Variants in NRDE2 observed in about 807,000 individuals in gnomAD.
NRDE2 encodes the protein NRDE-2, necessary for RNA interference, domain containing, also known as nuclear exosome regulator NRDE2.
A neutral mutation model predicts 124.2 loss-of-function variants in NRDE2; 76 were observed. The ratio of observed to expected loss-of-function variants is 0.61; its 90% CI spans 0.51 to 0.74. The LOEUF (loss-of-function observed/expected upper bound fraction) is 0.74, where lower values mean the gene tolerates loss of function less well. Ranked by LOEUF, NRDE2 falls within the 30% of genes least tolerant of loss-of-function variation. NRDE2 has a pLI of 0.00. For missense variants in NRDE2, 1,314 were observed against 1,417.3 expected (o/e 0.93, Z 1.17); for synonymous variants, 489 against 528.1 (o/e 0.93, Z 1.01).
chr14:90,272,185 C>T lies in NRDE2; in HGVS notation c.*6151G>A, dbSNP rs186784617. 1.1e-3 allele frequency: 1,632 copies of T among 1,480,454 alleles called. 2 individuals carry two copies. Among genetic ancestry groups the T allele is most frequent in the Admixed American group, 2.1e-3 (100 of 47,202 alleles). The allele number at this position is 1,480,454 out of a possible 1,614,324, so 91.7% of individuals were successfully genotyped here. A position where few individuals can be genotyped will look rare whatever the true frequency, so the allele number is the denominator to read the frequency against. ...CTGGGATTACAGGTGTGAGCCACCGCGCCTGGCCTCAGAATAGGTTTTTTG... is the reference window on the plus strand; with the variant it reads ...CTGGGATTACAGGTGTGAGCCACCGTGCCTGGCCTCAGAATAGGTTTTTTG... On this transcript the variant is annotated 3_prime_UTR_variant, in exon 14 of 14. Coordinates refer to ENST00000354366, the MANE Select transcript of NRDE2 (RefSeq NM_017970.4). This position sits in a 1 kb window ranked among gnomAD's most constrained non-coding sequence, Gnocchi z 4.5.
At chr14:90,324,786 T>A (rs1387114518) in intron 1 of NRDE2, among the ~76,000 whole-genome samples, 1 of 152,116 alleles carries the variant, frequency 6.6e-6, no homozygotes, top group African/African-American at 2.4e-5. Context: ...ACTGGTTCCC[T>A]CTGTGCGTAC....
In NRDE2 at chr14:90,288,410, G is replaced by A. The variant is rs138198112; in HGVS notation, c.2965C>T (p.Gln989Ter). 2 of 1,614,188 alleles carry A rather than the reference G, an allele frequency of 1.2e-6. No homozygotes were observed. Among genetic ancestry groups the A allele is most frequent in the Non-Finnish European group, 1.7e-6 (2 of 1,180,040 alleles). The change falls in exon 11 of 14, where the codon CAG becomes TAG. Residue 989 changes from glutamine (Q) to a stop codon, truncating the protein, a stop_gained. Coordinates refer to ENST00000354366, the MANE Select transcript of NRDE2 (RefSeq NM_017970.4). LOFTEE classifies it high-confidence loss of function. ...TTGCCTGGATACAACTTTAAAGCCTGTGAGAGTGCCTCTCGCAGAGGGGCC... is the reference window on the plus strand; with the variant it reads ...TTGCCTGGATACAACTTTAAAGCCTATGAGAGTGCCTCTCGCAGAGGGGCC... ...PLAPLREALS[Q>*]ALKLYPGNQV...
intron 1 of NRDE2, among the ~76,000 whole-genome samples, chr14:90,329,780 G>A (rs190440162): frequency 6.7e-6 from 1 of 149,958 alleles, no homozygotes; most frequent in East Asian, 2.0e-4. Context: ...GGAGGTTGCA[G>A]TGAGCTGAGA....
intron 8 of NRDE2, among the ~76,000 whole-genome samples, chr14:90,294,237 C>T (rs904405130): frequency 2.0e-5 from 3 of 151,890 alleles, no homozygotes; most frequent in Non-Finnish European, 4.4e-5. Flanking sequence ...GTGGACAAAT[C>T]GGAAGCCTGG....
intron 1 of NRDE2, among the ~76,000 whole-genome samples, chr14:90,324,144 G>A (rs1286282612): frequency 6.9e-6 from 1 of 145,610 alleles, no homozygotes; most frequent in Non-Finnish European, 1.5e-5. Flanking sequence ...AAGGAAATAT[G>A]CTCCTAGAAA....
intron 11 of NRDE2, among the ~76,000 whole-genome samples, chr14:90,287,062 A>AAAG (rs1555359508): frequency 2.0e-5 from 3 of 150,008 alleles, no homozygotes; most frequent in Non-Finnish European, 3.0e-5. Flanking sequence ...AAAAAAAAAA[A>AAAG]AGAGAAAGAA....
chr14:90,302,711 T>C lies in NRDE2; in HGVS notation c.1411+9A>G. ...CCTCCCACGTAACTGGATCTGGTTA[T>C]CTCCTTACCAAACATGGCCTCTTCC... On this transcript the variant is annotated intron_variant, in intron 6 of 13. Transcript: ENST00000354366. 6.3e-7 allele frequency: 1 copy of C among 1,586,658 alleles called. No homozygotes were observed. Among genetic ancestry groups the C allele is most frequent in the South Asian group, 1.1e-5 (1 of 87,104 alleles).
At chr14:90,298,188 A>C in intron 8 of NRDE2, 72 bp downstream of exon 8, 1 of 1,497,080 alleles carries the variant, frequency 6.7e-7, no homozygotes, top group Non-Finnish European at 9.2e-7. Flanking sequence ...TAAGCAGATA[A>C]ATAATCATGA....
chr14:90,268,330 C>G lies in NRDE2; in HGVS notation c.*10006G>C. ...AGTACCTAGGTGATGGGCCCAAACT[C>G]GTACGGGAATTGTTCCGAGTTGCTG... On this transcript the variant is annotated 3_prime_UTR_variant, in exon 14 of 14. Coordinates refer to ENST00000354366, the MANE Select transcript of NRDE2 (RefSeq NM_017970.4). 6.2e-7 allele frequency: 1 copy of G among 1,613,426 alleles called. No homozygotes were observed. The highest frequency in any genetic ancestry group is 8.5e-7 in the Non-Finnish European group (1 of 1,179,412).
At chr14:90,291,213 A>G (rs1325776375) in intron 9 of NRDE2, among the ~76,000 whole-genome samples, 2 of 152,210 alleles carry the variant, frequency 1.3e-5, no homozygotes, top group Non-Finnish European at 2.9e-5. Context: ...TCATGTAATA[A>G]TTTAAAAACA....
At position 90,286,337 on chromosome 14, in the gene NRDE2, T is replaced by C. The variant is rs763650416; in HGVS notation, c.3297+17A>G. The C allele has an allele frequency of 1.1e-5, 17 of 1,609,766 alleles. No individual in the cohort carries two copies. In the African/African-American group the frequency reaches 1.1e-4, roughly 10 times the overall value. On this transcript the variant is annotated intron_variant, in intron 12 of 13. Coordinates refer to ENST00000354366, the MANE Select transcript of NRDE2 (RefSeq NM_017970.4). ...TAGAGCTCTGCATGAACACAAAACA[T>C]CTCAATATTTTCTTACCAGAAAGTT...
intron 8 of NRDE2, among the ~76,000 whole-genome samples, chr14:90,296,935 T>C (rs1408550009): frequency 6.6e-6 from 1 of 152,024 alleles, no homozygotes; most frequent in Non-Finnish European, 1.5e-5. Context: ...GGTCAGAGGT[T>C]CCAGACCAGC....
Position 90,316,659 on chromosome 14 carries a change from C to G in NRDE2, c.326G>C (p.Arg109Thr), listed in dbSNP as rs778739318. The change falls in exon 3 of 14, where the codon AGG (arginine) becomes ACG (threonine). Residue 109 changes from arginine (R) to threonine (T), a missense_variant. Arg to Thr is a moderately conservative substitution (Grantham distance 71). Transcript: ENST00000354366. ...KRKHGPSSSSRSETDTDSEKD... is the reference protein window; with the variant it reads ...KRKHGPSSSSTSETDTDSEKD... ...TTCAGAATCGGTGTCTGTCTCAGAC[C>G]TGCTGCTACTCGACGGCCCATGCTT... is the stretch of plus-strand genomic sequence containing the variant. 24 of 1,614,142 alleles carry G rather than the reference C, an allele frequency of 1.5e-5. No individual in the cohort carries two copies. The highest frequency in any genetic ancestry group is 1.6e-4 in the Middle Eastern group (1 of 6,062).
intron 9 of NRDE2, 73 bp from the exon 10 acceptor site, chr14:90,290,680 A>G (rs1892251345): frequency 2.1e-6 from 3 of 1,432,560 alleles, no homozygotes; most frequent in Non-Finnish European, 2.8e-6. Flanking sequence ...TTCTCTTTAT[A>G]TGCATGTACT....
rs532677267 is a variant in NRDE2 at position 90,312,409 on chromosome 14, C to G, written c.542G>C (p.Arg181Pro). 6.2e-7 allele frequency: 1 copy of G among 1,613,832 alleles called. No homozygotes were observed. The highest frequency in any genetic ancestry group is 1.3e-5 in the African/African-American group (1 of 75,038). The part of the protein sequence containing the change: ...PANWEYKSLY[R>P]GDIARYKRKG... Reference sequence around the variant, plus strand: ...AGGTGACTACCTTGCTATATCCCCTCGGTAGAGAGACTTGTACTCCCAGTT... The same window carrying G: ...AGGTGACTACCTTGCTATATCCCCTGGGTAGAGAGACTTGTACTCCCAGTT... The change falls in exon 4 of 14, where the codon CGA (arginine) becomes CCA (proline). Residue 181 changes from arginine (R) to proline (P), a missense_variant. Arg to Pro is a moderately radical substitution (Grantham distance 103). Transcript: ENST00000354366.
At chr14:90,312,302 G>A in intron 4 of NRDE2, 92 bp downstream of exon 4, 2 of 1,216,284 alleles carry the variant, frequency 1.6e-6, no homozygotes, top group Non-Finnish European at 2.4e-6. Flanking sequence ...TGATGAAAGA[G>A]AGAAACAGGC....
rs759793778 is a variant in NRDE2 at position 90,288,440 on chromosome 14, G to C, written c.2935C>G (p.Pro979Ala). The C allele has an allele frequency of 1.2e-6, 2 of 1,614,152 alleles. No individual in the cohort carries two copies. The highest frequency in any genetic ancestry group is 1.6e-4 in the Middle Eastern group (1 of 6,062). Residue 979 changes from proline (P) to alanine (A), a missense_variant, in exon 11 of 14, where the codon CCG becomes GCG. Physicochemically the swap from Pro to Ala is conservative, Grantham distance 27 (BLOSUM62 -1). Transcript: ENST00000354366. ...AGTGCCTCTCGCAGAGGGGCCAGCG[G>C]GTAAACACTCACTTTCATGTGGAAT... ...LRFHMKVSVY[P>A]LAPLREALSQ...
rs191853276 is a variant in NRDE2 at position 90,311,533 on chromosome 14, G to A, written c.557+861C>T. Among the ~76,000 whole-genome samples, 7 of 152,230 alleles carry A rather than the reference G, an allele frequency of 4.6e-5. No homozygotes were observed. The East Asian group carries it at 5.8e-4, about 13-fold the overall frequency. ...ATAAAGAGCAGCCACCATGTAAGAC[G>A]TGCCTTTGCTCCTTCTCCACCTTCC... On this transcript the variant is annotated intron_variant, in intron 4 of 13. Transcript: ENST00000354366.
intron 8 of NRDE2, among the ~76,000 whole-genome samples, chr14:90,297,330 A>G (rs1884209813): frequency 6.6e-6 from 1 of 152,124 alleles, no homozygotes; most frequent in African/African-American, 2.4e-5. Flanking sequence ...TACTAATTAC[A>G]TACTGAAATG....
Sources: allele counts gnomAD v4.1 joint callset (sites outside exome capture counted in the v4.1 genomes callset), GRCh38; gene constraint gnomAD v4.1.1; non-coding constraint Gnocchi (gnomAD v3.1); transcripts MANE v1.5; gene names NCBI Gene and HGNC (gene_info 2026-07-23, HGNC 2026-07-21).